The following WNK1 variants were observed in gnomAD, a reference collection of about 807,000 sequenced individuals.
WNK1 encodes the protein serine/threonine-protein kinase WNK1.
WNK1 carries 38 observed loss-of-function variants against 222.8 expected under a neutral mutation model. The ratio of observed to expected loss-of-function variants is 0.17; its 90% CI spans 0.13 to 0.22. The LOEUF is 0.22. WNK1 is among the 10% of genes least tolerant of loss of function. The pLI, the probability that WNK1 is intolerant of heterozygous loss-of-function variation, is 1.00. For missense variants in WNK1, 2,348 were observed against 2,918.4 expected (o/e 0.80, Z 4.50); for synonymous variants, 1,090 against 1,092.9 (o/e 1.00, Z 0.05).
At chr12:869,275 A>G in intron 8 of WNK1, 1 of 885,740 alleles carries the variant, frequency 1.1e-6, no homozygotes, top group Non-Finnish European at 1.8e-6. Context: ...ATGCATTTAA[A>G]AACAAAATGT....
At chr12:851,599 T>C (rs1950423927) in intron 4 of WNK1, 1 of 1,225,142 alleles carries the variant, frequency 8.2e-7, no homozygotes, top group Non-Finnish European at 1.0e-6. Flanking sequence ...AGTCTGACTT[T>C]GATGTCTGCC....
intron 4 of WNK1, among the ~76,000 whole-genome samples, chr12:844,356 AAACTCC>A (rs1233271888): frequency 6.6e-6 from 1 of 152,088 alleles, no homozygotes; most frequent in African/African-American, 2.4e-5. Context: ...GGCTGGTCTC[AAACTCC>A]TGACCTCTAG....
At chr12:811,444 A>T (rs1485954096) in intron 1 of WNK1, among the ~76,000 whole-genome samples, 5 of 152,088 alleles carry the variant, frequency 3.3e-5, no homozygotes, top group African/African-American at 1.2e-4. Flanking sequence ...TTTGTCTCTT[A>T]GTTCTGTTTT....
At chr12:839,937 A>C (rs1480025247) in intron 4 of WNK1, among the ~76,000 whole-genome samples, 3 of 139,772 alleles carry the variant, frequency 2.1e-5, no homozygotes, top group Admixed American at 7.5e-5. Flanking sequence ...CATGTTGGCC[A>C]TGCTGCTCTC....
chr12:874,368 C>T (rs1952430442), intron 9 of WNK1, among the ~76,000 whole-genome samples: 1 of 134,168 alleles, frequency 7.5e-6, no homozygotes, highest in Non-Finnish European at 1.7e-5. Flanking sequence ...ACACTTCTCC[C>T]CAGATGCTCT....
At chr12:897,282 G>A (rs1418532383) in intron 24 of WNK1, among the ~76,000 whole-genome samples, 197 bp from the exon 25 acceptor site, 2 of 152,158 alleles carry the variant, frequency 1.3e-5, no homozygotes, top group Non-Finnish European at 2.9e-5. Context: ...TTGGCTAGGA[G>A]CTTGTTGGAA....
chr12:892,713 A>T (rs1039227677), intron 22 of WNK1, among the ~76,000 whole-genome samples: 1 of 152,182 alleles, frequency 6.6e-6, no homozygotes, highest in Non-Finnish European at 1.5e-5. Context: ...AGAAAAGGAA[A>T]CTTAGACATG....
chr12:841,816 A>G (rs1281035468), intron 4 of WNK1, among the ~76,000 whole-genome samples: 1 of 152,168 alleles, frequency 6.6e-6, no homozygotes, highest in Non-Finnish European at 1.5e-5. Flanking sequence ...CTCCGGACTC[A>G]TATTATAAGG....
At chr12:822,060 G>C (rs7297427) in intron 2 of WNK1, among the ~76,000 whole-genome samples, 5,869 of 132,532 alleles carry the variant, frequency 0.044, 221 homozygotes, top group Admixed American at 0.11. Flanking sequence ...TTGCTATTTT[G>C]CTGTTTGTTT....
chr12:911,050 A>AATT lies in WNK1; in HGVS notation c.*2259_*2261dup. 2.8e-6 allele frequency: 1 copy of AATT among 362,170 alleles called. No individual in the cohort carries two copies. Among genetic ancestry groups the AATT allele is most frequent in the African/African-American group, 2.1e-5 (1 of 48,048 alleles). 22.4% of individuals were successfully genotyped at this position (362,170 alleles called of 1,614,324 possible). ...TCATTTGTTATTTGGGTTTAATAAT[A>AATT]ATTTTGACATCTTTTCACTCATACA... On this transcript the variant is annotated 3_prime_UTR_variant, in exon 28 of 28. Coordinates refer to ENST00000315939, the MANE Select transcript of WNK1 (RefSeq NM_018979.4).
intron 4 of WNK1, among the ~76,000 whole-genome samples, chr12:847,200 A>G (rs1950083837): frequency 1.3e-5 from 2 of 152,266 alleles, no homozygotes; most frequent in African/African-American, 2.4e-5. Context: ...CTGAATATTG[A>G]TCTGTAATTC....
intron 4 of WNK1, among the ~76,000 whole-genome samples, chr12:851,120 T>C (rs1950387023): frequency 6.6e-6 from 1 of 152,218 alleles, no homozygotes; most frequent in Non-Finnish European, 1.5e-5. Context: ...GTCCAGGTCA[T>C]GCAAACATAG....
intron 8 of WNK1, chr12:868,561 CTT>C: frequency 6.2e-7 from 1 of 1,613,968 alleles, no homozygotes; most frequent in African/African-American, 1.3e-5. Context: ...TTCACCCTGT[CTT>C]TGTTCCTCAT....
At chr12:867,725 C>T in intron 8 of WNK1, 1 of 960,626 alleles carries the variant, frequency 1.0e-6, no homozygotes, top group East Asian at 2.6e-5. Context: ...ACATAATTTC[C>T]AGAAGCATTG....
intron 8 of WNK1, chr12:868,407 C>T: frequency 6.2e-7 from 1 of 1,613,968 alleles, no homozygotes; most frequent in Non-Finnish European, 8.5e-7. Flanking sequence ...GGCCCTACTT[C>T]AAGTTCTGTC....
chr12:777,194 C>G (rs557848759), intron 1 of WNK1, among the ~76,000 whole-genome samples: 3 of 141,650 alleles, frequency 2.1e-5, no homozygotes, highest in African/African-American at 7.9e-5. Context: ...GATGGAGTCT[C>G]GCTCTGTCAC....
At chr12:833,121 T>C (rs1948928151) in intron 4 of WNK1, among the ~76,000 whole-genome samples, 1 of 152,188 alleles carries the variant, frequency 6.6e-6, no homozygotes, top group Non-Finnish European at 1.5e-5. Context: ...ATTTCTTGTT[T>C]TTTACTCGCT....
intron 1 of WNK1, among the ~76,000 whole-genome samples, chr12:803,015 G>C (rs2153994731): frequency 6.6e-6 from 1 of 152,092 alleles, no homozygotes; most frequent in South Asian, 2.1e-4. Context: ...TATGACTCAG[G>C]GACATCACAC....
intron 4 of WNK1, chr12:851,886 A>G (rs1347864307): frequency 1.0e-6 from 1 of 983,438 alleles, no homozygotes; most frequent in Non-Finnish European, 1.3e-6. Context: ...CAGTTAAAGT[A>G]TTGAAATTGT....
Sources: gnomAD v4.1 joint callset for allele counts (sites outside exome capture counted in the v4.1 genomes callset) on GRCh38, gnomAD v4.1.1 for gene constraint, MANE v1.5 for transcripts, NCBI Gene and HGNC (gene_info 2026-07-23, HGNC 2026-07-21) for gene names.